BCAR3: variants seen among roughly 807,000 people sequenced by gnomAD.
BCAR3 encodes the protein BCAR3 adaptor protein, NSP family member, also known as breast cancer anti-estrogen resistance protein 3.
In BCAR3, 37 loss-of-function variants were observed where a neutral mutation model predicts 80.1. The ratio of observed to expected loss-of-function variants is 0.46; its 90% CI spans 0.36 to 0.61. The LOEUF is 0.61. BCAR3 is among the 20% of genes least tolerant of loss of function. BCAR3 has a pLI of 0.00. For synonymous variants in BCAR3, 389 were observed against 418.9 expected (o/e 0.93, Z 0.87); for missense variants, 978 against 1,068.2 (o/e 0.92, Z 1.18).
chr1:93,639,627 C>T (rs1000115094), intron 3 of BCAR3, among the ~76,000 whole-genome samples: 16 of 152,078 alleles, frequency 1.1e-4, no homozygotes, highest in African/African-American at 3.6e-4. Context: ...CAGATGCCCG[C>T]CACCACACCC....
chr1:93,586,276 C>T lies in BCAR3; in HGVS notation c.930-2155G>A, dbSNP rs762001865. Among the ~76,000 whole-genome samples, 3 of 151,452 alleles carry T rather than the reference C, an allele frequency of 2.0e-5. No homozygotes were observed. The highest frequency in any genetic ancestry group is 2.9e-5 in the Non-Finnish European group (2 of 67,846). The stretch of plus-strand genomic sequence containing the variant: ...GTGTCCAAGAATTCAGTTGTTTTGA[C>T]TTTTTGATCCCACAAATAAGTGAGA... On this transcript the variant is annotated intron_variant, in intron 5 of 11. Transcript: ENST00000260502. The surrounding 1 kb of genome is among the most constrained non-coding windows in gnomAD (Gnocchi z 4.2).
Position 93,586,671 on chromosome 1 carries a change from T to C in BCAR3, c.929+2306A>G, listed in dbSNP as rs975044602. On this transcript the variant is annotated intron_variant, in intron 5 of 11. Transcript: ENST00000260502. This position sits in a 1 kb window ranked among gnomAD's most constrained non-coding sequence, Gnocchi z 4.2. ...CTAATTTACATTCCCCTCAACAGTG[T>C]AGGAGGGTTCCCTTTTCCCCACAAT... 2.0e-5 allele frequency among the ~76,000 whole-genome samples: 3 copies of C among 152,240 alleles called. No individual in the cohort carries two copies. Among genetic ancestry groups the C allele is most frequent in the Non-Finnish European group, 4.4e-5 (3 of 68,034 alleles).
In BCAR3 at chr1:93,834,776, C is replaced by T. The variant is rs183180379; in HGVS notation, c.-63+10791G>A. On this transcript the variant is annotated intron_variant, in intron 2 of 13. Coordinates refer to the BCAR3 transcript ENST00000370244. ...CATACTTTCTGCCCTCTGGCTCCTT[C>T]GGCTAAACTCACTCTTTGTTGAGTC... Among the ~76,000 whole-genome samples, 306 of 152,352 alleles carry T rather than the reference C, an allele frequency of 2.0e-3. No homozygotes were observed. In the Middle Eastern group the frequency reaches 0.02, roughly 10 times the overall value.
intron 2 of BCAR3, among the ~76,000 whole-genome samples, chr1:93,779,929 G>A (rs1652710816): frequency 6.6e-6 from 1 of 152,060 alleles, no homozygotes. Flanking sequence ...GGTGACTCCG[G>A]TTCCTGTTGC....
intron 3 of BCAR3, among the ~76,000 whole-genome samples, chr1:93,691,799 G>A (rs1487946328): frequency 6.6e-6 from 1 of 152,110 alleles, no homozygotes; most frequent in Non-Finnish European, 1.5e-5. Context: ...AAATGGACAG[G>A]AAAGACCAAG....
intron 3 of BCAR3, among the ~76,000 whole-genome samples, chr1:93,598,146 G>A (rs887077731): frequency 6.6e-6 from 1 of 152,212 alleles, no homozygotes; most frequent in Non-Finnish European, 1.5e-5. Context: ...TCTGGCATGG[G>A]AGGAATGGAG....
At chr1:93,755,563 G>T (rs747091160) in intron 2 of BCAR3, among the ~76,000 whole-genome samples, 13 of 152,174 alleles carry the variant, frequency 8.5e-5, no homozygotes, top group Non-Finnish European at 1.8e-4. Context: ...ATGCTGTAAA[G>T]GTTTGTAGCC....
chr1:93,704,032 G>A (rs1280413266), intron 3 of BCAR3, among the ~76,000 whole-genome samples: 1 of 152,228 alleles, frequency 6.6e-6, no homozygotes, highest in African/African-American at 2.4e-5. Flanking sequence ...AATAGCCAAT[G>A]TGGCTAGTGG....
intron 3 of BCAR3, among the ~76,000 whole-genome samples, chr1:93,617,099 C>T (rs910826998): frequency 1.3e-5 from 2 of 152,208 alleles, no homozygotes; most frequent in Non-Finnish European, 2.9e-5. Flanking sequence ...TACTAACCTG[C>T]CCTATTTAGT....
chr1:93,643,250 G>A (rs1199062446), intron 2 of BCAR3, among the ~76,000 whole-genome samples: 3 of 149,766 alleles, frequency 2.0e-5, no homozygotes, highest in Admixed American at 6.7e-5. Flanking sequence ...GAGGCCAGGC[G>A]TGGTGGCTCA....
intron 11 of BCAR3, among the ~76,000 whole-genome samples, chr1:93,563,817 C>T (rs1202293771): frequency 6.6e-6 from 1 of 152,174 alleles, no homozygotes; most frequent in East Asian, 1.9e-4. Flanking sequence ...CTCAGCCTCC[C>T]AAGTAGCTGG....
chr1:93,751,140 C>T (rs1651543739), intron 2 of BCAR3, among the ~76,000 whole-genome samples: 1 of 152,200 alleles, frequency 6.6e-6, no homozygotes, highest in Admixed American at 6.5e-5. Flanking sequence ...ATCATTTTCC[C>T]TTCACACAGT....
In BCAR3 at chr1:93,584,022, C is replaced by T. The variant is rs368740638; in HGVS notation, c.1029G>A (p.Pro343=). Reference sequence around the variant, plus strand: ...TGAAAATTCCCCGAAACATACCAATCGGCAGGTAGCTCTCTGACTGGTGGG... The same window carrying T: ...TGAAAATTCCCCGAAACATACCAATTGGCAGGTAGCTCTCTGACTGGTGGG... ...LKAHQSESYL[P]IGCKLPPQSS... The change falls in exon 6 of 12, where the codon CCG becomes CCA. Residue 343 remains proline, a synonymous_variant. Transcript: ENST00000260502. 6.2e-6 allele frequency: 10 copies of T among 1,613,650 alleles called. No homozygotes were observed. The highest frequency in any genetic ancestry group is 3.3e-5 in the Admixed American group (2 of 59,954).
chr1:93,578,676 G>A (rs1018700653), intron 7 of BCAR3, among the ~76,000 whole-genome samples: 1 of 152,112 alleles, frequency 6.6e-6, no homozygotes, highest in Non-Finnish European at 1.5e-5. Flanking sequence ...TCCCCTGCAG[G>A]GCGTTTCCCA....
chr1:93,633,796 G>A (rs564313234), intron 3 of BCAR3, among the ~76,000 whole-genome samples: 2 of 152,238 alleles, frequency 1.3e-5, no homozygotes, highest in East Asian at 1.9e-4. Flanking sequence ...CACCATGCCC[G>A]GGTAATTTTT....
At chr1:93,709,644 C>A (rs1649949654) in intron 2 of BCAR3, among the ~76,000 whole-genome samples, 1 of 152,008 alleles carries the variant, frequency 6.6e-6, no homozygotes, top group Non-Finnish European at 1.5e-5. Flanking sequence ...CTTGGAACAG[C>A]AAGAAGGAGG....
At chr1:93,685,858 T>C (rs935393001), upstream of BCAR3, among the ~76,000 whole-genome samples, 1 of 152,196 alleles carries the variant, frequency 6.6e-6, no homozygotes, top group Admixed American at 6.5e-5. Flanking sequence ...TAATTTTAAT[T>C]TACATTTCTT....
chr1:93,800,418 A>G (rs929076002), intron 2 of BCAR3, among the ~76,000 whole-genome samples: 5 of 152,116 alleles, frequency 3.3e-5, no homozygotes, highest in African/African-American at 1.2e-4. Context: ...TATTAAAAAT[A>G]CAAAAAAATT....
intron 2 of BCAR3, among the ~76,000 whole-genome samples, chr1:93,797,703 G>A (rs1653331144): frequency 6.6e-6 from 1 of 151,782 alleles, no homozygotes; most frequent in Admixed American, 6.6e-5. Flanking sequence ...GACTGGGCAT[G>A]GTATGTACAA....
Sources: gnomAD v4.1 joint callset for allele counts (sites outside exome capture counted in the v4.1 genomes callset) on GRCh38, gnomAD v4.1.1 for gene constraint, Gnocchi (gnomAD v3.1) non-coding constraint, MANE v1.5 for transcripts, NCBI Gene and HGNC (gene_info 2026-07-23, HGNC 2026-07-21) for gene names.